PPIL2: variants seen among roughly 807,000 people sequenced by gnomAD.
PPIL2 encodes peptidylprolyl isomerase like 2.
PPIL2 carries 50 observed loss-of-function variants against 75.2 expected under a neutral mutation model. That is an observed-to-expected ratio of 0.66 (90% CI 0.53 to 0.84). PPIL2 has a LOEUF of 0.84. Among genes scored for constraint, PPIL2 ranks in the 40% least tolerant of loss-of-function variants. The pLI, the probability that PPIL2 is intolerant of heterozygous loss-of-function variation, is 0.00. For synonymous variants in PPIL2, 245 were observed against 258.8 expected (o/e 0.95, Z 0.51); for missense variants, 590 against 685.0 (o/e 0.86, Z 1.55).
chr22:21,682,466 G>C lies in PPIL2; in HGVS notation c.417G>C (p.Lys139Asn). The stretch of plus-strand genomic sequence containing the variant: ...TGGAACAGCTAAATATCAAGGCCAA[G>C]AACTTCCGGGACCTGCTGACCGACG... Reference protein sequence around the residue: ...EAVEQLNIKAKNFRDLLTDEP... With the variant: ...EAVEQLNIKANNFRDLLTDEP... The change falls in exon 8 of 20, where the codon AAG becomes AAC. Residue 139 changes from lysine to asparagine, a missense_variant. Physicochemically the swap from Lys to Asn is moderately conservative, Grantham distance 94. Coordinates refer to ENST00000398831, the MANE Select transcript of PPIL2 (RefSeq NM_014337.4). 1 of 1,614,026 alleles carries C rather than the reference G, an allele frequency of 6.2e-7. No homozygotes were observed. Among genetic ancestry groups the C allele is most frequent in the African/African-American group, 1.3e-5 (1 of 75,024 alleles).
Position 21,695,522 on chromosome 22 carries a change from G to C in PPIL2, c.*32G>C. The C allele has an allele frequency of 6.4e-7, 1 of 1,569,852 alleles. No individual in the cohort carries two copies. The highest frequency in any genetic ancestry group is 8.6e-7 in the Non-Finnish European group (1 of 1,156,760). On this transcript the variant is annotated 3_prime_UTR_variant, in exon 20 of 20. Transcript: ENST00000398831. ...GTTGGCCGCTGTGGACCTTGGTGGG[G>C]TTGCAGGGCTGGGGGCCCATGTCCA...
At position 21,671,021 on chromosome 22, in the gene PPIL2, C is replaced by T. The variant is rs145883797; in HGVS notation, c.153C>T (p.Tyr51=). ...HCSLSLQPFV[Y]PVCTPDGIVF... is the part of the protein sequence containing the mutation. Reference sequence around the variant, plus strand: ...GTCTCTCTCTGCAGCCCTTTGTCTACCCAGTCTGCACTCCCGATGGCATCG... The same window carrying T: ...GTCTCTCTCTGCAGCCCTTTGTCTATCCAGTCTGCACTCCCGATGGCATCG... Residue 51 remains tyrosine (Y), a synonymous_variant, in exon 4 of 20, where the codon TAC becomes TAT. Transcript: ENST00000398831. 1 of 1,613,338 alleles carries T rather than the reference C, an allele frequency of 6.2e-7. No individual in the cohort carries two copies.
rs763826104 is a variant in PPIL2 at position 21,694,949 on chromosome 22, C to T, written c.1345C>T (p.Arg449Trp). 30 of 1,613,448 alleles carry T rather than the reference C, an allele frequency of 1.9e-5. No individual in the cohort carries two copies. The highest frequency in any genetic ancestry group is 2.3e-5 in the Non-Finnish European group (27 of 1,179,850). ...TGTTGTGCCACAGATTGCGCAGGAG[C>T]GGAAGACACAGCTCAAGGTAGCCCC... ...EEADAQIAQE[R>W]KTQLKVAPET... The change falls in exon 19 of 20, where the codon CGG (arginine) becomes TGG (tryptophan). Residue 449 changes from arginine (R) to tryptophan (W), a missense_variant. Transcript: ENST00000398831.
intron 15 of PPIL2, 27 bp downstream of exon 15, chr22:21,688,876 G>T: frequency 6.2e-7 from 1 of 1,602,086 alleles, no homozygotes; most frequent in Non-Finnish European, 8.6e-7. Context: ...TGCTGGGGTG[G>T]CCTGGGAGGT....
chr22:21,667,771 T>A (rs1250230562), intron 1 of PPIL2, among the ~76,000 whole-genome samples: 1 of 6,648 alleles, frequency 1.5e-4, no homozygotes, highest in Non-Finnish European at 9.2e-4. Context: ...TCAAATTTTT[T>A]TTTTTTTTTT....
chr22:21,675,083 T>G lies in PPIL2; in HGVS notation c.263T>G (p.Leu88Arg), dbSNP rs764230217. 6.2e-7 allele frequency: 1 copy of G among 1,613,194 alleles called. No individual in the cohort carries two copies. The highest frequency in any genetic ancestry group is 8.5e-7 in the Non-Finnish European group (1 of 1,179,160). The stretch of plus-strand genomic sequence containing the variant: ...TTCCAGAAGCTGGACGGGAGGTCCC[T>G]GATCAAGCTGAACTTTTCCAAGAAC... Reference protein sequence around the residue: ...SNGEKLDGRSLIKLNFSKNSE... With the variant: ...SNGEKLDGRSRIKLNFSKNSE... The change falls in exon 6 of 20, where the codon CTG (leucine) becomes CGG (arginine). Residue 88 changes from leucine (L) to arginine (R), a missense_variant. Transcript: ENST00000398831.
intron 13 of PPIL2, 139 bp downstream of exon 13, chr22:21,687,871 G>T: frequency 9.3e-7 from 1 of 1,073,498 alleles, no homozygotes; most frequent in East Asian, 2.4e-5. Flanking sequence ...TCCTCTGTTG[G>T]GGAACCCATA....
intron 4 of PPIL2, 144 bp from the exon 5 acceptor site, chr22:21,672,186 A>G (rs2066659849): frequency 1.5e-6 from 1 of 648,142 alleles, no homozygotes; most frequent in Non-Finnish European, 2.8e-6. Flanking sequence ...TCCTGAGACA[A>G]GATGAGGAGC....
chr22:21,687,711 C>G lies in PPIL2; in HGVS notation c.966C>G (p.His322Gln). 6.2e-7 allele frequency: 1 copy of G among 1,613,796 alleles called. No homozygotes were observed. The highest frequency in any genetic ancestry group is 8.5e-7 in the Non-Finnish European group (1 of 1,179,786). ...ATTATTACGATGGCACCATCTTCCA[C>G]AGATCCATCCGGAACTTTGTGGTGA... ...KKHYYDGTIF[H>Q]RSIRNFVIQG... The change falls in exon 13 of 20, where the codon CAC becomes CAG. Residue 322 changes from histidine to glutamine, a missense_variant. Physicochemically the swap from His to Gln is conservative, Grantham distance 24 (BLOSUM62 0). Coordinates refer to ENST00000398831, the MANE Select transcript of PPIL2 (RefSeq NM_014337.4).
At chr22:21,681,000 A>G (rs553778144) in intron 6 of PPIL2, among the ~76,000 whole-genome samples, 1 of 152,180 alleles carries the variant, frequency 6.6e-6, no homozygotes, top group Non-Finnish European at 1.5e-5. Context: ...CCGAGGGCCA[A>G]CTTCAGTAGG....
At chr22:21,678,675 A>C (rs189832044) in intron 6 of PPIL2, among the ~76,000 whole-genome samples, 18 of 152,250 alleles carry the variant, frequency 1.2e-4, no homozygotes, top group African/African-American at 3.1e-4. Flanking sequence ...ACCCCCTTGC[A>C]TGATGCTGAA....
intron 9 of PPIL2, among the ~76,000 whole-genome samples, chr22:21,683,482 G>A (rs1470480672): frequency 2.0e-5 from 3 of 152,232 alleles, no homozygotes; most frequent in Non-Finnish European, 2.9e-5. Context: ...AGGTTCCCCT[G>A]CTCCCTGCAG....
At position 21,696,564 on chromosome 22, in the gene PPIL2, G is replaced by A. The variant is rs185483814; in HGVS notation, c.*1074G>A. ...TGTGCCCCTGGCTGGCTTTTTCTTC[G>A]TCTTCAGCCCAGGCCAGTGGTCAGT... On this transcript the variant is annotated 3_prime_UTR_variant, in exon 20 of 20. Coordinates refer to ENST00000398831, the MANE Select transcript of PPIL2 (RefSeq NM_014337.4). 37 of 1,391,330 alleles carry A rather than the reference G, an allele frequency of 2.7e-5. No individual in the cohort carries two copies. The highest frequency in any genetic ancestry group is 9.3e-5 in the South Asian group (6 of 64,612). The allele number at this position is 1,391,330 out of a possible 1,614,324, so 86.2% of individuals were successfully genotyped here.
intron 1 of PPIL2, among the ~76,000 whole-genome samples, 180 bp downstream of exon 1, chr22:21,666,311 T>A (rs2066374610): frequency 6.6e-6 from 1 of 152,062 alleles, no homozygotes; most frequent in South Asian, 2.1e-4. Context: ...GCCGCCGCGC[T>A]CTCCCGGGGC....
chr22:21,692,434 G>GT (rs912401658), intron 15 of PPIL2, among the ~76,000 whole-genome samples: 7 of 151,648 alleles, frequency 4.6e-5, no homozygotes, highest in Admixed American at 1.3e-4. Context: ...GATTACAGGC[G>GT]TGAGCCACTG....
Position 21,697,140 on chromosome 22 carries a change from C to T in PPIL2, c.*1650C>T. 1.2e-6 allele frequency: 1 copy of T among 806,116 alleles called. No individual in the cohort carries two copies. 49.9% of individuals were successfully genotyped at this position (806,116 alleles called of 1,614,324 possible). A position where few individuals can be genotyped will look rare whatever the true frequency, so the allele number is the denominator to read the frequency against. On this transcript the variant is annotated 3_prime_UTR_variant, in exon 20 of 20. Transcript: ENST00000398831. The stretch of plus-strand genomic sequence containing the variant: ...AGGCCTGGTGCAGCCCTGGCAGTAA[C>T]TGGCTTGTAAGAGGCTCAGACACCA...
At position 21,676,243 on chromosome 22, in the gene PPIL2, AGTGTGTGTGT is replaced by A. The variant is rs36131221; in HGVS notation, c.295+1155_295+1164del. On this transcript the variant is annotated intron_variant, in intron 6 of 19. Coordinates refer to ENST00000398831, the MANE Select transcript of PPIL2 (RefSeq NM_014337.4). ...GGCTGCCTCCCCTCCTGTGATCAGC[AGTGTGTGTGT>A]GTGTGTGTGTGTGTGTGTGTGTGTG... Among the ~76,000 whole-genome samples the A allele has an allele frequency of 1.1e-4, 14 of 130,510 alleles. 1 individual carries two copies. Among genetic ancestry groups the A allele is most frequent in the Non-Finnish European group, 1.8e-4 (11 of 60,700 alleles). The allele number at this position is 130,510 out of a possible 152,430, so 85.6% of individuals were successfully genotyped here.
At chr22:21,683,442 A>G (rs1251886003) in intron 9 of PPIL2, among the ~76,000 whole-genome samples, 185 bp downstream of exon 9, 2 of 152,054 alleles carry the variant, frequency 1.3e-5, no homozygotes, top group Non-Finnish European at 2.9e-5. Context: ...TGGGCGGGAT[A>G]GACTTGCTGC....
rs1569030852 is a variant in PPIL2, at chr22:21,682,322, C to T, written c.388-115C>T. ...GGTGTACACTGCTGTCTCTCTCATT[C>T]CTCATGCCTCTCAAATCGTGCCATG... is the stretch of plus-strand genomic sequence containing the variant. On this transcript the variant is annotated intron_variant, in intron 7 of 19. Transcript: ENST00000398831. 6 of 847,948 alleles carry T rather than the reference C, an allele frequency of 7.1e-6. No homozygotes were observed. The East Asian group carries it at 1.3e-4, about 18-fold the overall frequency. 52.5% of individuals were successfully genotyped at this position (847,948 alleles called of 1,614,324 possible).
Sources: allele counts gnomAD v4.1 joint callset (sites outside exome capture counted in the v4.1 genomes callset), GRCh38; gene constraint gnomAD v4.1.1; transcripts MANE v1.5; gene names NCBI Gene and HGNC (gene_info 2026-07-23, HGNC 2026-07-21).